SLC24A2: variants seen among roughly 807,000 people sequenced by gnomAD.
SLC24A2 encodes sodium/potassium/calcium exchanger 2.
In SLC24A2, 36 loss-of-function variants were observed where a neutral mutation model predicts 62.0. That is an observed-to-expected ratio of 0.58 (90% CI 0.44 to 0.77). The LOEUF is 0.77. SLC24A2 is among the 30% of genes least tolerant of loss of function. SLC24A2 has a pLI of 0.00. For synonymous variants in SLC24A2, 358 were observed against 294.0 expected, an observed-to-expected ratio of 1.22 and a Z score of -2.23; for missense variants, 846 against 817.9, an observed-to-expected ratio of 1.03 and a Z score of -0.42.
Position 19,515,867 on chromosome 9 carries a change from T to C in SLC24A2, c.*286A>G. 2.3e-6 allele frequency: 1 copy of C among 437,966 alleles called. No individual in the cohort carries two copies. The highest frequency in any genetic ancestry group is 4.3e-6 in the Non-Finnish European group (1 of 234,904). The allele number at this position is 437,966 out of a possible 1,614,324, so 27.1% of individuals were successfully genotyped here. A position where few individuals can be genotyped will look rare whatever the true frequency, so the allele number is the denominator to read the frequency against. ...AGCCTGTGTCCTTGTTTGCATCGACTGTACCTCCGACCAGCGAGGTGTACT... is the reference window on the plus strand; with the variant it reads ...AGCCTGTGTCCTTGTTTGCATCGACCGTACCTCCGACCAGCGAGGTGTACT... On this transcript the variant is annotated 3_prime_UTR_variant, in exon 11 of 11. Coordinates refer to ENST00000341998, the MANE Select transcript of SLC24A2 (RefSeq NM_020344.4).
the SLC24A2 span, among the ~76,000 whole-genome samples, chr9:19,801,885 G>A: frequency 6.6e-6 from 1 of 152,108 alleles, no homozygotes; most frequent in African/African-American, 2.4e-5. Flanking sequence ...TATAAACCAA[G>A]AACATATCAG....
the SLC24A2 span, among the ~76,000 whole-genome samples, chr9:20,228,421 C>A: frequency 1.3e-5 from 2 of 151,992 alleles, no homozygotes; most frequent in East Asian, 1.9e-4. Flanking sequence ...AGAAGGAACA[C>A]TGATGATGGA....
intron 2 of SLC24A2, among the ~76,000 whole-genome samples, chr9:19,736,560 CAGGCATGATGCATCATGCCT>C (rs1347271871): frequency 1.3e-5 from 2 of 152,066 alleles, no homozygotes; most frequent in Admixed American, 6.6e-5. Context: ...AAGACCAGGC[CAGGCATGATGCATCATGCCT>C]GTAATGCCAG....
At chr9:20,213,716 A>T in the SLC24A2 span, among the ~76,000 whole-genome samples, 5 of 152,222 alleles carry the variant, frequency 3.3e-5, no homozygotes, top group African/African-American at 1.2e-4. Context: ...AATAGATATT[A>T]CCACAATTTG....
the SLC24A2 span, among the ~76,000 whole-genome samples, chr9:20,233,710 C>G: frequency 6.6e-6 from 1 of 152,126 alleles, no homozygotes; most frequent in South Asian, 2.1e-4. Flanking sequence ...TTAATTGAAG[C>G]ATTTAGTCCA....
At chr9:20,235,478 G>A in the SLC24A2 span, among the ~76,000 whole-genome samples, 1 of 152,218 alleles carries the variant, frequency 6.6e-6, no homozygotes, top group South Asian at 2.1e-4. Flanking sequence ...TTTGATCTCG[G>A]ATTGCTGTGC....
chr9:20,278,599 C>A, the SLC24A2 span, among the ~76,000 whole-genome samples: 1 of 152,326 alleles, frequency 6.6e-6, no homozygotes, highest in Non-Finnish European at 1.5e-5. Context: ...TCAGCCTGGA[C>A]TTTATTTTCC....
chr9:19,730,165 C>G (rs1821293068), intron 2 of SLC24A2, among the ~76,000 whole-genome samples: 1 of 152,130 alleles, frequency 6.6e-6, no homozygotes, highest in Non-Finnish European at 1.5e-5. Context: ...AGAGAAGGTA[C>G]AGAATGCAGT....
At chr9:19,641,069 G>A (rs1393810954) in intron 2 of SLC24A2, among the ~76,000 whole-genome samples, 1 of 152,206 alleles carries the variant, frequency 6.6e-6, no homozygotes, top group Non-Finnish European at 1.5e-5. Flanking sequence ...GGAGGCTGAT[G>A]CGTCAGTCTA....
the SLC24A2 span, among the ~76,000 whole-genome samples, chr9:20,053,349 A>G: frequency 7.2e-5 from 11 of 152,318 alleles, no homozygotes; most frequent in Admixed American, 7.2e-4. Context: ...ATAGAGGGGC[A>G]TAAAACAAGC....
At chr9:19,867,325 G>T in the SLC24A2 span, among the ~76,000 whole-genome samples, 1 of 152,100 alleles carries the variant, frequency 6.6e-6, no homozygotes, top group Non-Finnish European at 1.5e-5. Flanking sequence ...TTACTTTGTG[G>T]GAACATTTCA....
chr9:19,728,969 G>A (rs1341751034), intron 2 of SLC24A2, among the ~76,000 whole-genome samples: 1 of 152,170 alleles, frequency 6.6e-6, no homozygotes, highest in African/African-American at 2.4e-5. Flanking sequence ...ACAGGAGCCT[G>A]AGGTAGGCCA....
At chr9:20,092,101 A>T in the SLC24A2 span, among the ~76,000 whole-genome samples, 1 of 152,216 alleles carries the variant, frequency 6.6e-6, no homozygotes, top group Non-Finnish European at 1.5e-5. Context: ...GAGAGTGAAC[A>T]GTGGAAGGAG....
chr9:19,733,215 G>C (rs1821391628), intron 2 of SLC24A2, among the ~76,000 whole-genome samples: 1 of 152,006 alleles, frequency 6.6e-6, no homozygotes, highest in African/African-American at 2.4e-5. Context: ...TAAATTCAGA[G>C]GCTCTGGATT....
At chr9:20,054,726 G>C in the SLC24A2 span, among the ~76,000 whole-genome samples, 1 of 152,206 alleles carries the variant, frequency 6.6e-6, no homozygotes, top group Non-Finnish European at 1.5e-5. Flanking sequence ...TGAATGCATT[G>C]AAATCTCCAA....
At chr9:20,144,118 A>C in the SLC24A2 span, among the ~76,000 whole-genome samples, 37 of 152,212 alleles carry the variant, frequency 2.4e-4, no homozygotes, top group African/African-American at 8.4e-4. Context: ...TAAGGACAGA[A>C]ATAAAAGAAG....
chr9:20,221,534 G>C, the SLC24A2 span, among the ~76,000 whole-genome samples: 3 of 151,824 alleles, frequency 2.0e-5, no homozygotes, highest in Non-Finnish European at 4.4e-5. Flanking sequence ...TGGTGAAAAG[G>C]GAAGGAGAAA....
At chr9:19,762,917 C>G (rs1165828631) in intron 2 of SLC24A2, among the ~76,000 whole-genome samples, 2 of 150,736 alleles carry the variant, frequency 1.3e-5, no homozygotes, top group Non-Finnish European at 2.9e-5. Context: ...GGCAGTATGG[C>G]TGTTTTCATG....
the SLC24A2 span, among the ~76,000 whole-genome samples, chr9:19,992,738 C>T: frequency 6.6e-6 from 1 of 152,164 alleles, no homozygotes; most frequent in African/African-American, 2.4e-5. Flanking sequence ...GTCCTCTGCA[C>T]ATTGGCAGAA....
Sources: allele counts gnomAD v4.1 joint callset (sites outside exome capture counted in the v4.1 genomes callset), GRCh38; gene constraint gnomAD v4.1.1; transcripts MANE v1.5; gene names NCBI Gene and HGNC (gene_info 2026-07-23, HGNC 2026-07-21).